The following SLCO3A1 variants were observed in gnomAD, a reference collection of about 807,000 sequenced individuals.
The protein encoded by SLCO3A1 is PGE1 transporter.
In SLCO3A1, 27 loss-of-function variants were observed where a neutral mutation model predicts 63.1. The ratio of observed to expected loss-of-function variants is 0.43; its 90% confidence interval spans 0.32 to 0.59. The LOEUF is 0.59. Among genes scored for constraint, SLCO3A1 ranks in the 20% least tolerant of loss-of-function variants. The pLI is 0.09. For missense variants in SLCO3A1, 773 were observed against 945.8 expected (o/e 0.82, Z 2.40); for synonymous variants, 473 against 409.9 (o/e 1.15, Z -1.86).
At chr15:92,125,367 G>T (rs1023397146) in intron 5 of SLCO3A1, among the ~76,000 whole-genome samples, 4 of 152,130 alleles carry the variant, frequency 2.6e-5, no homozygotes, top group Admixed American at 1.3e-4. Flanking sequence ...AAATGCCATG[G>T]TCTCTGCGAA....
chr15:92,160,608 T>C (rs2048423929), intron 9 of SLCO3A1, among the ~76,000 whole-genome samples: 1 of 152,140 alleles, frequency 6.6e-6, no homozygotes, highest in African/African-American at 2.4e-5. Context: ...TTGGGAAGTT[T>C]AATGAGATTT....
chr15:92,057,154 G>C (rs2047031419), intron 2 of SLCO3A1, among the ~76,000 whole-genome samples: 1 of 152,164 alleles, frequency 6.6e-6, no homozygotes, highest in African/African-American at 2.4e-5. Flanking sequence ...TTAGCTTTCT[G>C]TCATTCCAAG....
At chr15:92,036,179 T>G (rs1009801281) in intron 2 of SLCO3A1, among the ~76,000 whole-genome samples, 1 of 152,172 alleles carries the variant, frequency 6.6e-6, no homozygotes, top group African/African-American at 2.4e-5. Flanking sequence ...CCAGCTGGAT[T>G]TCATGAAACC....
At chr15:92,128,330 C>A in intron 6 of SLCO3A1, 21 bp from the exon 7 acceptor site, 1 of 1,613,330 alleles carries the variant, frequency 6.2e-7, no homozygotes, top group Non-Finnish European at 8.5e-7. Context: ...TAATGGCTTC[C>A]GTGTTTCCTT....
At chr15:92,002,804 C>CT (rs1254957967) in intron 2 of SLCO3A1, among the ~76,000 whole-genome samples, 2 of 152,156 alleles carry the variant, frequency 1.3e-5, no homozygotes, top group Non-Finnish European at 2.9e-5. Context: ...ATTAAAACAT[C>CT]TTTTCTAGTA....
chr15:91,987,247 C>T (rs563762267), intron 2 of SLCO3A1, among the ~76,000 whole-genome samples: 1 of 152,260 alleles, frequency 6.6e-6, no homozygotes, highest in East Asian at 1.9e-4. Flanking sequence ...GAGCATACAT[C>T]TGCCTTTTTT....
rs1232977888 is a variant in SLCO3A1, at chr15:91,941,464, G to A, written c.646+25006G>A. 2 of 450,682 alleles carry A rather than the reference G, an allele frequency of 4.4e-6. No individual in the cohort carries two copies. Among genetic ancestry groups the A allele is most frequent in the African/African-American group, 4.0e-5 (2 of 49,662 alleles). 27.9% of individuals were successfully genotyped at this position (450,682 alleles called of 1,614,324 possible). A position where few individuals can be genotyped will look rare whatever the true frequency, so the allele number is the denominator to read the frequency against. ...GGTGGCCTGGTTCCTTTGGCCTTAG[G>A]GAAGGACAAACTTCAACTCTGAGCC... On this transcript the variant is annotated intron_variant, in intron 2 of 9. Coordinates refer to ENST00000318445, the MANE Select transcript of SLCO3A1 (RefSeq NM_013272.4). The surrounding 1 kb of genome is among the most constrained non-coding windows in gnomAD (Gnocchi z 4.4).
chr15:91,928,277 A>G lies in SLCO3A1; in HGVS notation c.646+11819A>G, dbSNP rs145739383. Among the ~76,000 whole-genome samples the G allele has an allele frequency of 4.1e-3, 631 of 152,326 alleles. 2 individuals carry two copies. The highest frequency in any genetic ancestry group is 0.014 in the African/African-American group (601 of 41,562). On this transcript the variant is annotated intron_variant, in intron 2 of 9. Transcript: ENST00000318445. Reference sequence around the variant, plus strand: ...TTTATGGGGTCGCAGCTGTTATGACATACAGACAACCAGTATTTTGCATAT... The same window carrying G: ...TTTATGGGGTCGCAGCTGTTATGACGTACAGACAACCAGTATTTTGCATAT...
At position 92,110,513 on chromosome 15, in the gene SLCO3A1, T is replaced by C. The variant is rs553334412; in HGVS notation, c.1009+5971T>C. On this transcript the variant is annotated intron_variant, in intron 4 of 9. Coordinates refer to ENST00000318445, the MANE Select transcript of SLCO3A1 (RefSeq NM_013272.4). ...TCACTGGTCTCTTTTCAGTTCTCCC[T>C]ATACCCCAGGCTCCTTTCCTCCTAG... Among the ~76,000 whole-genome samples, 5 of 152,240 alleles carry C rather than the reference T, an allele frequency of 3.3e-5. No homozygotes were observed. The South Asian group carries it at 1.0e-3, about 32-fold the overall frequency.
rs142374801 is a variant in SLCO3A1, at chr15:92,047,767, G to A, written c.647-47114G>A. Among the ~76,000 whole-genome samples the A allele has an allele frequency of 8.9e-4, 133 of 149,144 alleles. 1 individual carries two copies. Among genetic ancestry groups the A allele is most frequent in the African/African-American group, 3.3e-3 (132 of 40,380 alleles). On this transcript the variant is annotated intron_variant, in intron 2 of 9. Transcript: ENST00000318445. Reference sequence around the variant, plus strand: ...CATCCTTTACATCTTTTGAAGTCCAGAATGTGTTCATCGGTTTGTAATCAG... The same window carrying A: ...CATCCTTTACATCTTTTGAAGTCCAAAATGTGTTCATCGGTTTGTAATCAG...
At chr15:91,876,367 A>G (rs575835777) in intron 1 of SLCO3A1, among the ~76,000 whole-genome samples, 1 of 152,340 alleles carries the variant, frequency 6.6e-6, no homozygotes, top group African/African-American at 2.4e-5. Flanking sequence ...GATTTTGGCA[A>G]GTGCCTCATC....
At position 91,853,850 on chromosome 15, in the gene SLCO3A1, A is replaced by G; in HGVS notation, c.-59A>G. 1 of 1,215,082 alleles carries G rather than the reference A, an allele frequency of 8.2e-7. No individual in the cohort carries two copies. The allele number at this position is 1,215,082 out of a possible 1,614,324, so 75.3% of individuals were successfully genotyped here. A position where few individuals can be genotyped will look rare whatever the true frequency, so the allele number is the denominator to read the frequency against. On this transcript the variant is annotated 5_prime_UTR_variant, in exon 1 of 10. Coordinates refer to ENST00000318445, the MANE Select transcript of SLCO3A1 (RefSeq NM_013272.4). ...GCACCCCCGCCCGGCAGCGGCCCCG[A>G]CACCCGGGGCGAGCGGGAAAGCGGC...
chr15:91,918,740 C>T (rs1323983202), intron 2 of SLCO3A1, among the ~76,000 whole-genome samples: 1 of 151,970 alleles, frequency 6.6e-6, no homozygotes, highest in Non-Finnish European at 1.5e-5. Context: ...AACTTTACTT[C>T]ACAGTATTTG....
At chr15:91,861,802 T>A (rs934653686) in intron 1 of SLCO3A1, among the ~76,000 whole-genome samples, 3 of 151,878 alleles carry the variant, frequency 2.0e-5, no homozygotes, top group African/African-American at 7.3e-5. Flanking sequence ...TTTCTTATTT[T>A]TTTTTTTGGT....
chr15:91,926,557 C>CTGTGTGTGTGTGTGTG (rs1567189095), intron 2 of SLCO3A1, among the ~76,000 whole-genome samples: 39 of 54,372 alleles, frequency 7.2e-4, no homozygotes, highest in African/African-American at 3.7e-3. Context: ...TCCTGCCAAG[C>CTGTGTGTGTGTGTGTG]CGTGTGTGTG....
intron 2 of SLCO3A1, among the ~76,000 whole-genome samples, chr15:91,930,862 T>G (rs1353182389): frequency 6.6e-6 from 1 of 152,204 alleles, no homozygotes; most frequent in Non-Finnish European, 1.5e-5. Flanking sequence ...TGCAAAGAGC[T>G]TGAGTAAAGG....
At chr15:92,019,281 T>C (rs142167988) in intron 2 of SLCO3A1, among the ~76,000 whole-genome samples, 1 of 152,296 alleles carries the variant, frequency 6.6e-6, no homozygotes, top group Non-Finnish European at 1.5e-5. Context: ...GGATTATGTT[T>C]GATGTGTTTC....
chr15:92,016,977 TC>T (rs2046445240), intron 2 of SLCO3A1, among the ~76,000 whole-genome samples: 1 of 152,108 alleles, frequency 6.6e-6, no homozygotes, highest in South Asian at 2.1e-4. Flanking sequence ...GGAGACCACT[TC>T]CTTCAAAGAG....
intron 2 of SLCO3A1, among the ~76,000 whole-genome samples, chr15:91,989,003 T>A (rs548680330): frequency 2.0e-4 from 30 of 152,322 alleles, no homozygotes; most frequent in African/African-American, 6.5e-4. Flanking sequence ...GTCTCTTGTG[T>A]CTCCTTGTGG....
Sources: gnomAD v4.1 joint callset for allele counts (sites outside exome capture counted in the v4.1 genomes callset) on GRCh38, gnomAD v4.1.1 for gene constraint, Gnocchi (gnomAD v3.1) non-coding constraint, MANE v1.5 for transcripts, NCBI Gene and HGNC (gene_info 2026-07-23, HGNC 2026-07-21) for gene names.